TRPM1: variants seen among roughly 807,000 people sequenced by gnomAD.
TRPM1 encodes the protein transient receptor potential cation channel subfamily M member 1.
A neutral mutation model predicts 149.4 loss-of-function variants in TRPM1; 113 were observed. The observed-to-expected ratio is 0.76, with a 90% CI of 0.65 to 0.88. The LOEUF (loss-of-function observed/expected upper bound fraction) is 0.88, where lower values mean the gene tolerates loss of function less well. Among genes scored for constraint, TRPM1 ranks in the 40% least tolerant of loss-of-function variants. The pLI, the probability that TRPM1 is intolerant of heterozygous loss-of-function variation, is 0.00. For missense variants in TRPM1, 1,976 were observed against 2,038.7 expected (o/e 0.97, Z 0.59); for synonymous variants, 741 against 759.5 (o/e 0.98, Z 0.40).
At chr15:31,126,921 C>T (rs940659762) in intron 1 of TRPM1, among the ~76,000 whole-genome samples, 9 of 152,016 alleles carry the variant, frequency 5.9e-5, no homozygotes, top group African/African-American at 9.7e-5. Context: ...GAGCTGAGAT[C>T]GTGCCACTGC....
intron 1 of TRPM1, among the ~76,000 whole-genome samples, chr15:31,113,372 A>T (rs891044618): frequency 1.3e-5 from 2 of 151,796 alleles, no homozygotes; most frequent in Non-Finnish European, 2.9e-5. Flanking sequence ...GACTGTCACA[A>T]CCAACGGGGT....
At chr15:31,039,460 T>G (rs1347253904) in intron 18 of TRPM1, among the ~76,000 whole-genome samples, 1 of 152,166 alleles carries the variant, frequency 6.6e-6, no homozygotes, top group Non-Finnish European at 1.5e-5. Context: ...ACTCGTATAG[T>G]CTTTTCTTTA....
At chr15:31,146,479 G>A (rs572415217) in intron 1 of TRPM1, among the ~76,000 whole-genome samples, 87 of 152,252 alleles carry the variant, frequency 5.7e-4, no homozygotes, top group African/African-American at 2.1e-3. Context: ...ATCACCAAAT[G>A]GAAACTAAGT....
At chr15:31,113,540 G>T (rs892479893) in intron 1 of TRPM1, among the ~76,000 whole-genome samples, 1 of 150,468 alleles carries the variant, frequency 6.6e-6, no homozygotes, top group African/African-American at 2.5e-5. Flanking sequence ...ATTTTTCTTT[G>T]TACTCCTAAA....
intron 1 of TRPM1, among the ~76,000 whole-genome samples, chr15:31,107,861 T>C (rs908185133): frequency 2.0e-5 from 3 of 148,600 alleles, no homozygotes; most frequent in Non-Finnish European, 4.4e-5. Context: ...TTCTTTTCTT[T>C]TCTTTTTTTT....
intron 10 of TRPM1, 48 bp from the exon 11 acceptor site, chr15:31,060,692 G>T: frequency 6.6e-7 from 1 of 1,515,430 alleles, no homozygotes; most frequent in Non-Finnish European, 9.1e-7. Flanking sequence ...CGCCTGGACC[G>T]CCAGGGTTTG....
chr15:31,027,606 A>G (rs2140902260), intron 25 of TRPM1, among the ~76,000 whole-genome samples: 1 of 152,348 alleles, frequency 6.6e-6, no homozygotes, highest in Non-Finnish European at 1.5e-5. Context: ...CAGTAAGTGC[A>G]TGATTTCATT....
intron 27 of TRPM1, among the ~76,000 whole-genome samples, chr15:31,019,738 T>C (rs577285361): frequency 1.8e-4 from 28 of 151,930 alleles, no homozygotes; most frequent in African/African-American, 6.5e-4. Flanking sequence ...GGTTTCACCA[T>C]GTTGACCAGG....
At chr15:31,090,666 C>T (rs1442418481) in intron 1 of TRPM1, among the ~76,000 whole-genome samples, 1 of 151,304 alleles carries the variant, frequency 6.6e-6, no homozygotes, top group Admixed American at 6.6e-5. Context: ...AAAAAAGAAA[C>T]TGCACCCTGG....
chr15:31,035,860 G>A (rs1596002461), intron 20 of TRPM1, 186 bp from the exon 21 acceptor site: 2 of 777,878 alleles, frequency 2.6e-6, no homozygotes. Context: ...CAGGACGGGA[G>A]GCATTTTATA....
intron 27 of TRPM1, among the ~76,000 whole-genome samples, chr15:31,019,164 C>T (rs2140888656): frequency 6.6e-6 from 1 of 152,326 alleles, no homozygotes; most frequent in Non-Finnish European, 1.5e-5. Flanking sequence ...AGTTCTAAAA[C>T]TATTCCTACC....
At chr15:31,158,372 A>G (rs2141068504) in intron 1 of TRPM1, among the ~76,000 whole-genome samples, 1 of 152,248 alleles carries the variant, frequency 6.6e-6, no homozygotes, top group South Asian at 2.1e-4. Flanking sequence ...TCACGCCTGT[A>G]ATCCCAGCAC....
At chr15:31,013,347 T>G (rs1447532158) in intron 27 of TRPM1, among the ~76,000 whole-genome samples, 1 of 152,066 alleles carries the variant, frequency 6.6e-6, no homozygotes, top group African/African-American at 2.4e-5. Flanking sequence ...CTACCTCTTT[T>G]TTTTTGAGAC....
intron 27 of TRPM1, among the ~76,000 whole-genome samples, chr15:31,007,289 G>T (rs2032025611): frequency 6.6e-6 from 1 of 152,098 alleles, no homozygotes; most frequent in African/African-American, 2.4e-5. Context: ...TTTGGGGAAA[G>T]AAATCAATTA....
At position 31,028,493 on chromosome 15, in the gene TRPM1, G is replaced by GTT; in HGVS notation, c.3149-19_3149-18dup. On this transcript the variant is annotated splice_polypyrimidine_tract_variant and intron_variant, in intron 24 of 27. Coordinates refer to ENST00000256552, the MANE Select transcript of TRPM1 (RefSeq NM_001252024.2). ...CACAAGGAGCTGAAAGAAAAAAATAGTTTTGTCTTTGCTTTTTACATATAA... is the reference window on the plus strand; with the variant it reads ...CACAAGGAGCTGAAAGAAAAAAATAGTTTTTTGTCTTTGCTTTTTACATATAA... 6.2e-7 allele frequency: 1 copy of GTT among 1,613,568 alleles called. No homozygotes were observed. Among genetic ancestry groups the GTT allele is most frequent in the Non-Finnish European group, 8.5e-7 (1 of 1,179,912 alleles).
chr15:31,094,471 A>G (rs2035325137), intron 1 of TRPM1, among the ~76,000 whole-genome samples: 1 of 152,232 alleles, frequency 6.6e-6, no homozygotes, highest in Non-Finnish European at 1.5e-5. Context: ...TCAAAATATG[A>G]CAAGGGTCTA....
chr15:31,046,783 C>A (rs1038990562), intron 15 of TRPM1, among the ~76,000 whole-genome samples: 2 of 152,180 alleles, frequency 1.3e-5, no homozygotes, highest in Admixed American at 1.3e-4. Flanking sequence ...GGAATGCAGG[C>A]ATGTCCCTTG....
chr15:31,033,283 T>C (rs2033182636), intron 21 of TRPM1, among the ~76,000 whole-genome samples: 1 of 152,208 alleles, frequency 6.6e-6, no homozygotes, highest in Non-Finnish European at 1.5e-5. Flanking sequence ...ATGAAAACTC[T>C]AGAGCATAGA....
intron 3 of TRPM1, among the ~76,000 whole-genome samples, chr15:31,076,410 T>C (rs553032727): frequency 2.6e-5 from 4 of 152,334 alleles, no homozygotes; most frequent in African/African-American, 9.6e-5. Flanking sequence ...TACATGACTT[T>C]ACAAGGCCTC....
Sources: allele counts gnomAD v4.1 joint callset (sites outside exome capture counted in the v4.1 genomes callset), GRCh38; gene constraint gnomAD v4.1.1; transcripts MANE v1.5; gene names NCBI Gene and HGNC (gene_info 2026-07-23, HGNC 2026-07-21).